PSD3: variants seen among roughly 807,000 people sequenced by gnomAD.
The protein encoded by PSD3 is pleckstrin and Sec7 domain containing 3.
PSD3 carries 49 observed loss-of-function variants against 105.5 expected under a neutral mutation model. That is an observed-to-expected ratio of 0.46 (90% CI 0.37 to 0.59). PSD3 has a LOEUF of 0.59. PSD3 is among the 20% of genes least tolerant of loss of function. PSD3 has a pLI of 0.00. For synonymous variants in PSD3, 557 were observed against 457.8 expected (o/e 1.22, Z -2.77); for missense variants, 1,561 against 1,263.8 (o/e 1.24, Z -3.57).
intron 9 of PSD3, among the ~76,000 whole-genome samples, chr8:18,660,287 A>T (rs967030721): frequency 6.6e-6 from 1 of 152,132 alleles, no homozygotes; most frequent in Non-Finnish European, 1.5e-5. Context: ...CGACCACCAG[A>T]GGTTAGAAGA....
intron 11 of PSD3, among the ~76,000 whole-genome samples, chr8:18,620,946 G>T (rs928382355): frequency 6.6e-6 from 1 of 152,118 alleles, no homozygotes; most frequent in African/African-American, 2.4e-5. Context: ...TAATTAAACC[G>T]AAATCATAAA....
chr8:18,871,370 T>C (rs1049454725), intron 3 of PSD3, among the ~76,000 whole-genome samples: 18 of 152,342 alleles, frequency 1.2e-4, no homozygotes, highest in African/African-American at 4.1e-4. Context: ...CACAGTTTAG[T>C]GTTCACAGTC....
intron 12 of PSD3, among the ~76,000 whole-genome samples, chr8:18,588,627 C>G (rs575997475): frequency 3.7e-4 from 56 of 152,288 alleles, no homozygotes; most frequent in African/African-American, 1.3e-3. Context: ...CAATTTCACC[C>G]AACTTTGCCC....
chr8:19,083,186 C>T (rs1309308423), intron 1 of PSD3, among the ~76,000 whole-genome samples: 1 of 152,196 alleles, frequency 6.6e-6, no homozygotes, highest in Non-Finnish European at 1.5e-5. Flanking sequence ...CCACACCCTT[C>T]CTCACCTCCA....
chr8:19,016,214 T>TA (rs929284116), upstream of PSD3, among the ~76,000 whole-genome samples: 2 of 152,080 alleles, frequency 1.3e-5, no homozygotes, highest in Non-Finnish European at 2.9e-5. Context: ...CCCGCCTTGG[T>TA]AAAAAAAGAA....
At chr8:19,007,159 C>A (rs1168220781) in intron 1 of PSD3, among the ~76,000 whole-genome samples, 1 of 151,910 alleles carries the variant, frequency 6.6e-6, no homozygotes, top group Non-Finnish European at 1.5e-5. Flanking sequence ...GAGGCTGAGG[C>A]AGGAGAATCG....
chr8:19,009,714 A>G (rs56207697), intron 1 of PSD3, among the ~76,000 whole-genome samples: 3,415 of 152,068 alleles, frequency 0.022, 139 homozygotes, highest in African/African-American at 0.078. Flanking sequence ...ACACGATGAA[A>G]CCCCGTCTAT....
intron 8 of PSD3, among the ~76,000 whole-genome samples, chr8:18,791,932 CA>C (rs1380994742): frequency 2.0e-5 from 3 of 152,108 alleles, no homozygotes; most frequent in Non-Finnish European, 4.4e-5. Flanking sequence ...AGACACTTCT[CA>C]AAAGACATAT....
chr8:18,626,087 T>C (rs530739513), intron 11 of PSD3, among the ~76,000 whole-genome samples: 1 of 152,260 alleles, frequency 6.6e-6, no homozygotes, highest in South Asian at 2.1e-4. Flanking sequence ...TCAGATTTAA[T>C]AGGTCTTTGT....
chr8:18,537,120 A>G (rs1448943049), intron 15 of PSD3, among the ~76,000 whole-genome samples: 1 of 152,186 alleles, frequency 6.6e-6, no homozygotes, highest in Admixed American at 6.5e-5. Context: ...GACATTCAGT[A>G]TGTTCTGGGG....
intron 10 of PSD3, among the ~76,000 whole-genome samples, chr8:18,644,912 G>C (rs1047380902): frequency 6.6e-6 from 1 of 152,110 alleles, no homozygotes; most frequent in Non-Finnish European, 1.5e-5. Flanking sequence ...GTCAAGTAAG[G>C]GGCCTGCATC....
chr8:18,533,498 G>GT lies in PSD3; in HGVS notation c.*2244dup. 1 of 152,248 alleles carries GT rather than the reference G, an allele frequency of 6.6e-6. No individual in the cohort carries two copies. The highest frequency in any genetic ancestry group is 6.5e-5 in the Admixed American group (1 of 15,302). 9.4% of individuals were successfully genotyped at this position (152,248 alleles called of 1,614,324 possible). On this transcript the variant is annotated 3_prime_UTR_variant, in exon 16 of 16. Coordinates refer to ENST00000327040, the MANE Select transcript of PSD3 (RefSeq NM_015310.4). ...CTATAGTGGTGCTGATGCTAGCCGA[G>GT]TATTTCAACACTACTCTAAATGTCA...
chr8:18,649,665 G>A (rs1808324324), intron 10 of PSD3, among the ~76,000 whole-genome samples: 2 of 152,144 alleles, frequency 1.3e-5, no homozygotes, highest in South Asian at 4.1e-4. Context: ...GGAATGATAT[G>A]GTTTGGATCT....
At chr8:18,606,778 G>T (rs1453103068) in intron 11 of PSD3, among the ~76,000 whole-genome samples, 1 of 152,138 alleles carries the variant, frequency 6.6e-6, no homozygotes, top group South Asian at 2.1e-4. Context: ...AAAATGGAAG[G>T]AAAGGGAAAG....
intron 1 of PSD3, among the ~76,000 whole-genome samples, chr8:18,946,939 ATATAT>A (rs1292345397): frequency 1.3e-5 from 2 of 149,698 alleles, no homozygotes; most frequent in Non-Finnish European, 1.5e-5. Context: ...AATAAATAAA[ATATAT>A]TATAAAATAA....
At chr8:18,793,445 T>C (rs1809930361) in intron 8 of PSD3, among the ~76,000 whole-genome samples, 1 of 149,548 alleles carries the variant, frequency 6.7e-6, no homozygotes, top group African/African-American at 2.5e-5. Flanking sequence ...TGTTTACCTA[T>C]GTAACAAACC....
intron 9 of PSD3, among the ~76,000 whole-genome samples, chr8:18,657,870 A>T (rs57529150): frequency 0.018 from 2,811 of 152,312 alleles, 81 homozygotes; most frequent in African/African-American, 0.063. Flanking sequence ...AAAGATTTTT[A>T]AAAAATCTGT....
At chr8:19,056,217 A>G (rs1828705569) in intron 1 of PSD3, among the ~76,000 whole-genome samples, 1 of 152,236 alleles carries the variant, frequency 6.6e-6, no homozygotes, top group Non-Finnish European at 1.5e-5. Context: ...TCTATAACTT[A>G]AAAAATAGTC....
At chr8:18,862,792 C>T (rs772837081) in intron 4 of PSD3, among the ~76,000 whole-genome samples, 20 of 151,034 alleles carry the variant, frequency 1.3e-4, no homozygotes, top group African/African-American at 2.2e-4. Flanking sequence ...TCTTCCTAAG[C>T]GGACAAACAA....
Sources: allele counts gnomAD v4.1 joint callset (sites outside exome capture counted in the v4.1 genomes callset), GRCh38; gene constraint gnomAD v4.1.1; transcripts MANE v1.5; gene names NCBI Gene and HGNC (gene_info 2026-07-23, HGNC 2026-07-21).